VSTM4: variants seen among roughly 807,000 people sequenced by gnomAD.
The protein encoded by VSTM4 is V-set and transmembrane domain containing 4, also known as V-set and transmembrane domain-containing protein 4.
VSTM4 carries 20 observed loss-of-function variants against 36.4 expected under a neutral mutation model. The observed-to-expected ratio is 0.55, with a 90% CI of 0.39 to 0.80. The LOEUF (loss-of-function observed/expected upper bound fraction) is 0.80, where lower values mean the gene tolerates loss of function less well. Ranked by LOEUF, VSTM4 falls within the 30% of genes least tolerant of loss-of-function variation. The pLI is 0.00. For missense variants in VSTM4, 392 were observed against 404.5 expected, an observed-to-expected ratio of 0.97 and a Z score of 0.26; for synonymous variants, 182 against 173.9, an observed-to-expected ratio of 1.05 and a Z score of -0.37.
chr10:49,087,570 C>T (rs186078424), intron 2 of VSTM4, among the ~76,000 whole-genome samples: 55 of 152,192 alleles, frequency 3.6e-4, no homozygotes, highest in South Asian at 1.5e-3. Context: ...TTATAGAATC[C>T]GCTCTATTTC....
chr10:49,036,850 C>T (rs952976916), intron 7 of VSTM4, among the ~76,000 whole-genome samples: 5 of 152,246 alleles, frequency 3.3e-5, no homozygotes, highest in Admixed American at 6.5e-5. Flanking sequence ...CAGGTTCCTA[C>T]GGCAGGGTCC....
chr10:49,096,622 CGTGTGTGTGTGTGTGTGT>C (rs57143308), intron 2 of VSTM4, among the ~76,000 whole-genome samples: 1,893 of 122,568 alleles, frequency 0.015, 28 homozygotes, highest in Non-Finnish European at 0.021. Flanking sequence ...CATTGAAGAC[CGTGTGTGTGTGTGTGTGT>C]GTGTGTGTGT....
chr10:49,082,184 G>T (rs1844291176), intron 3 of VSTM4, among the ~76,000 whole-genome samples: 1 of 152,208 alleles, frequency 6.6e-6, no homozygotes, highest in Non-Finnish European at 1.5e-5. Flanking sequence ...GCCCAGTGGT[G>T]CCAGATCTTC....
intron 4 of VSTM4, among the ~76,000 whole-genome samples, chr10:49,075,676 C>T (rs1246153197): frequency 6.6e-6 from 1 of 152,236 alleles, no homozygotes; most frequent in Non-Finnish European, 1.5e-5. Flanking sequence ...GGTGGGAGAG[C>T]ACAGGCTCCA....
intron 7 of VSTM4, among the ~76,000 whole-genome samples, chr10:49,021,853 G>A (rs1843186280): frequency 6.6e-6 from 1 of 152,192 alleles, no homozygotes; most frequent in Non-Finnish European, 1.5e-5. Flanking sequence ...TTAAGAATGA[G>A]GGAGGAGCTA....
At chr10:49,057,752 C>A (rs1349629148) in intron 5 of VSTM4, among the ~76,000 whole-genome samples, 1 of 152,142 alleles carries the variant, frequency 6.6e-6, no homozygotes, top group East Asian at 1.9e-4. Flanking sequence ...CGTCTACTGC[C>A]CCCATCCTCA....
chr10:49,083,028 G>T (rs1210007360), intron 3 of VSTM4, among the ~76,000 whole-genome samples: 1 of 152,218 alleles, frequency 6.6e-6, no homozygotes, highest in African/African-American at 2.4e-5. Flanking sequence ...CCCAGCAGGG[G>T]TATATTCAGT....
chr10:49,032,135 T>C (rs1400917652), intron 7 of VSTM4, among the ~76,000 whole-genome samples: 2 of 152,236 alleles, frequency 1.3e-5, no homozygotes, highest in Non-Finnish European at 2.9e-5. Flanking sequence ...GGTAGCCTTC[T>C]GTCTTCCTCC....
Position 49,107,895 on chromosome 10 carries a change from C to T in VSTM4, c.156G>A (p.Arg52=). The change falls in exon 2 of 8, where the codon AGG becomes AGA. Residue 52 remains arginine, a synonymous_variant. Coordinates refer to ENST00000332853, the MANE Select transcript of VSTM4 (RefSeq NM_001031746.5). ...ATLLCHVSQK[R]RKDSLLAVRW... The stretch of plus-strand genomic sequence containing the variant: ...GCACGGCCAGCAAGCTGTCCTTCCG[C>T]CTTTTCTGGGAGACGTGGCAGAGGA... The T allele has an allele frequency of 2.5e-6, 4 of 1,614,184 alleles. No homozygotes were observed. Among genetic ancestry groups the T allele is most frequent in the Non-Finnish European group, 3.4e-6 (4 of 1,180,026 alleles).
chr10:49,035,536 T>G (rs1004324573), intron 7 of VSTM4, among the ~76,000 whole-genome samples: 3 of 151,944 alleles, frequency 2.0e-5, no homozygotes, highest in African/African-American at 7.3e-5. Flanking sequence ...CTCCCCAGTT[T>G]TAAAACATTT....
At chr10:49,070,909 C>T (rs969577806) in intron 4 of VSTM4, among the ~76,000 whole-genome samples, 2 of 152,200 alleles carry the variant, frequency 1.3e-5, no homozygotes, top group Non-Finnish European at 2.9e-5. Context: ...ATCCTCTGCT[C>T]CTCATCCACA....
At chr10:49,056,900 G>A (rs1480539881) in intron 5 of VSTM4, among the ~76,000 whole-genome samples, 1 of 152,188 alleles carries the variant, frequency 6.6e-6, no homozygotes, top group African/African-American at 2.4e-5. Context: ...AAGCTGTACA[G>A]GAAGCACGGT....
chr10:49,074,241 T>A (rs1489094663), intron 4 of VSTM4, among the ~76,000 whole-genome samples: 1 of 152,272 alleles, frequency 6.6e-6, no homozygotes, highest in Non-Finnish European at 1.5e-5. Context: ...CCTTTAATTA[T>A]AAAGCATTAA....
rs568790877 is a variant in VSTM4 at position 49,019,509 on chromosome 10, G to A, written c.*141C>T. On this transcript the variant is annotated 3_prime_UTR_variant, in exon 8 of 8. Transcript: ENST00000332853. ...AGAGCAGGCTTGTACCTCTTCAAAG[G>A]CACCCAGAATGCTGCTGAAAAGGGG... 1.6e-4 allele frequency: 203 copies of A among 1,250,682 alleles called. 1 individual carries two copies. The Middle Eastern group carries it at 2.0e-3, about 12-fold the overall frequency. The allele number at this position is 1,250,682 out of a possible 1,614,324, so 77.5% of individuals were successfully genotyped here. A position where few individuals can be genotyped will look rare whatever the true frequency, so the allele number is the denominator to read the frequency against.
chr10:49,039,327 C>T (rs773592342), intron 7 of VSTM4, among the ~76,000 whole-genome samples: 4 of 151,978 alleles, frequency 2.6e-5, no homozygotes, highest in Admixed American at 6.6e-5. Context: ...AAGAGCCAGC[C>T]GCTACTCACA....
chr10:49,080,777 T>G (rs1197678116), intron 3 of VSTM4, among the ~76,000 whole-genome samples: 2 of 152,196 alleles, frequency 1.3e-5, no homozygotes, highest in African/African-American at 4.8e-5. Flanking sequence ...AGGAAGCTAC[T>G]GGGAAAGTCT....
chr10:49,064,028 T>A (rs1312668578), intron 5 of VSTM4: 5 of 152,218 alleles, frequency 3.3e-5, no homozygotes, highest in Admixed American at 3.3e-4. Flanking sequence ...AAAAAGCAAG[T>A]CTGGGTGACC....
In VSTM4 at chr10:49,031,885, C is replaced by A. The variant is rs547360497; in HGVS notation, c.838-12110G>T. On this transcript the variant is annotated intron_variant, in intron 7 of 7. Transcript: ENST00000332853. ...GATCTCCATGTGTTTCCTGGACACA[C>A]CCCATATGGCACTGTTCATTCAGGG... Among the ~76,000 whole-genome samples the A allele has an allele frequency of 4.6e-5, 7 of 152,240 alleles. No individual in the cohort carries two copies. In the South Asian group the frequency reaches 6.2e-4, roughly 14 times the overall value.
chr10:49,104,962 C>CAG (rs58170936), intron 2 of VSTM4, among the ~76,000 whole-genome samples: 1 of 136,898 alleles, frequency 7.3e-6, no homozygotes, highest in African/African-American at 2.8e-5. Flanking sequence ...GGGAGAGAGA[C>CAG]AGAGAGACAC....
Sources: gnomAD v4.1 joint callset for allele counts (sites outside exome capture counted in the v4.1 genomes callset) on GRCh38, gnomAD v4.1.1 for gene constraint, MANE v1.5 for transcripts, NCBI Gene and HGNC (gene_info 2026-07-23, HGNC 2026-07-21) for gene names.